Variants in ZRANB3 observed in about 807,000 individuals in gnomAD.
ZRANB3 encodes DNA annealing helicase and endonuclease ZRANB3.
ZRANB3 carries 125 observed loss-of-function variants against 133.8 expected under a neutral mutation model. The ratio of observed to expected loss-of-function variants is 0.93; its 90% CI spans 0.81 to 1.08. The LOEUF is 1.08. Among genes scored for constraint, ZRANB3 ranks in the 50% least tolerant of loss-of-function variants. ZRANB3 has a pLI of 0.00. For synonymous variants in ZRANB3, 387 were observed against 432.7 expected (o/e 0.89, Z 1.31); for missense variants, 1,229 against 1,275.5 (o/e 0.96, Z 0.56).
At chr2:135,434,524 C>G (rs1689447845) in intron 2 of ZRANB3, among the ~76,000 whole-genome samples, 1 of 152,190 alleles carries the variant, frequency 6.6e-6, no homozygotes, top group Non-Finnish European at 1.5e-5. Flanking sequence ...CCTCAAAACA[C>G]AGGGCTAGAA....
chr2:135,497,881 T>G (rs1692748894), intron 2 of ZRANB3, among the ~76,000 whole-genome samples: 1 of 151,778 alleles, frequency 6.6e-6, no homozygotes, highest in South Asian at 2.1e-4. Flanking sequence ...GGTAAAACCT[T>G]GTCTCTACTA....
chr2:135,331,149 A>G (rs1182716235), intron 6 of ZRANB3, among the ~76,000 whole-genome samples: 1 of 152,016 alleles, frequency 6.6e-6, no homozygotes, highest in Non-Finnish European at 1.5e-5. Flanking sequence ...TTTAACTGTG[A>G]TATTAGGGTG....
At chr2:135,366,187 T>C (rs557097720) in intron 3 of ZRANB3, among the ~76,000 whole-genome samples, 1 of 152,198 alleles carries the variant, frequency 6.6e-6, no homozygotes, top group African/African-American at 2.4e-5. Flanking sequence ...TAGGTAATTT[T>C]TGGAAATGTT....
chr2:135,242,123 G>A (rs1480716008), intron 12 of ZRANB3, among the ~76,000 whole-genome samples: 1 of 151,836 alleles, frequency 6.6e-6, no homozygotes, highest in African/African-American at 2.4e-5. Context: ...AGGTTGTAGC[G>A]AGCCAACTTT....
chr2:135,371,315 G>GGTGTTA (rs1372954340), intron 3 of ZRANB3, among the ~76,000 whole-genome samples: 2 of 152,166 alleles, frequency 1.3e-5, no homozygotes, highest in Admixed American at 1.3e-4. Flanking sequence ...TGCACTTGGA[G>GGTGTTA]GTGTTAATGT....
At chr2:135,496,527 C>T (rs2104813206) in intron 2 of ZRANB3, among the ~76,000 whole-genome samples, 1 of 151,568 alleles carries the variant, frequency 6.6e-6, no homozygotes, top group Non-Finnish European at 1.5e-5. Context: ...TCTAAAGGAC[C>T]TCAAATATGC....
chr2:135,306,733 C>G (rs1682724944), intron 8 of ZRANB3, among the ~76,000 whole-genome samples: 1 of 152,016 alleles, frequency 6.6e-6, no homozygotes, highest in Non-Finnish European at 1.5e-5. Context: ...GGATTATAAG[C>G]AAGCACCACT....
At chr2:135,345,783 G>A in intron 5 of ZRANB3, 148 bp from the exon 6 acceptor site, 1 of 600,686 alleles carries the variant, frequency 1.7e-6, no homozygotes, top group Non-Finnish European at 2.9e-6. Flanking sequence ...ATTCATCAGG[G>A]ATAACCGTTA....
chr2:135,366,426 T>C (rs1685943079), intron 3 of ZRANB3, among the ~76,000 whole-genome samples: 1 of 152,184 alleles, frequency 6.6e-6, no homozygotes, highest in Non-Finnish European at 1.5e-5. Context: ...CCTCTGCCAG[T>C]TGCCAAAATA....
At chr2:135,299,892 G>A (rs1682347664) in intron 8 of ZRANB3, among the ~76,000 whole-genome samples, 1 of 152,124 alleles carries the variant, frequency 6.6e-6, no homozygotes, top group Non-Finnish European at 1.5e-5. Flanking sequence ...CCTATTGTCT[G>A]CCTAGAACAG....
At chr2:135,316,967 G>GAA (rs36092486) in intron 6 of ZRANB3, among the ~76,000 whole-genome samples, 147 of 97,688 alleles carry the variant, frequency 1.5e-3, no homozygotes, top group African/African-American at 3.1e-3. Context: ...TCCGTCTCGA[G>GAA]AAAAAAAAAA....
chr2:135,462,630 T>C (rs1450472284), intron 2 of ZRANB3, among the ~76,000 whole-genome samples: 3 of 151,618 alleles, frequency 2.0e-5, no homozygotes, highest in Admixed American at 1.3e-4. Flanking sequence ...TCTCCCTCTT[T>C]TGCCCAGGCT....
intron 9 of ZRANB3, among the ~76,000 whole-genome samples, chr2:135,273,823 C>T (rs977576906): frequency 1.3e-5 from 2 of 152,156 alleles, no homozygotes; most frequent in Non-Finnish European, 2.9e-5. Context: ...AGGTGTGAGC[C>T]ACCGCACCTG....
rs1015256724 is a variant in ZRANB3, at chr2:135,297,468, C to T, written c.966+16021G>A. ...GGGAGTGACCCAATTTTCCAGGTGC[C>T]GTCTGTCACCCGTTCCTTTGACTAG... On this transcript the variant is annotated intron_variant, in intron 8 of 20. Coordinates refer to ENST00000264159, the MANE Select transcript of ZRANB3 (RefSeq NM_032143.4). Among the ~76,000 whole-genome samples the T allele has an allele frequency of 5.3e-5, 8 of 152,286 alleles. No homozygotes were observed. In the East Asian group the frequency reaches 5.8e-4, roughly 11 times the overall value.
At chr2:135,402,921 T>C (rs1465886064) in intron 2 of ZRANB3, among the ~76,000 whole-genome samples, 1 of 152,010 alleles carries the variant, frequency 6.6e-6, no homozygotes, top group Non-Finnish European at 1.5e-5. Context: ...TATTGCATAA[T>C]ACACATGTAT....
intron 12 of ZRANB3, among the ~76,000 whole-genome samples, chr2:135,237,552 C>A (rs1695348098): frequency 6.6e-6 from 1 of 151,150 alleles, no homozygotes; most frequent in African/African-American, 2.4e-5. Flanking sequence ...AAATGTCCAA[C>A]AATGATAGAC....
rs965695448 is a variant in ZRANB3, at chr2:135,317,258, C to T, written c.678-1728G>A. Among the ~76,000 whole-genome samples the T allele has an allele frequency of 3.0e-4, 45 of 152,144 alleles. 1 individual carries two copies. The highest frequency in any genetic ancestry group is 1.1e-3 in the African/African-American group (45 of 41,536). On this transcript the variant is annotated intron_variant, in intron 6 of 20. Coordinates refer to ENST00000264159, the MANE Select transcript of ZRANB3 (RefSeq NM_032143.4). Reference sequence around the variant, plus strand: ...CATATTTATATTAAAAATTCACACACTAATAAAAATGGGAAAATACTTGCC... The same window carrying T: ...CATATTTATATTAAAAATTCACACATTAATAAAAATGGGAAAATACTTGCC...
At chr2:135,283,341 T>C (rs1476232305) in intron 8 of ZRANB3, among the ~76,000 whole-genome samples, 1 of 151,588 alleles carries the variant, frequency 6.6e-6, no homozygotes, top group Non-Finnish European at 1.5e-5. Flanking sequence ...CCAGGCACGG[T>C]GGCTCACGCC....
At chr2:135,499,779 T>C (rs191132324) in intron 2 of ZRANB3, among the ~76,000 whole-genome samples, 4 of 152,284 alleles carry the variant, frequency 2.6e-5, no homozygotes, top group African/African-American at 4.8e-5. Context: ...TGAAATTACA[T>C]TGGAAAATGT....
Sources: allele counts gnomAD v4.1 joint callset (sites outside exome capture counted in the v4.1 genomes callset), GRCh38; gene constraint gnomAD v4.1.1; transcripts MANE v1.5; gene names NCBI Gene and HGNC (gene_info 2026-07-23, HGNC 2026-07-21).